Variants in PRKCA observed in about 807,000 individuals in gnomAD.
PRKCA encodes the protein protein kinase C alpha, also known as protein kinase C alpha type.
PRKCA carries 27 observed loss-of-function variants against 87.0 expected under a neutral mutation model. That is an observed-to-expected ratio of 0.31 (90% CI 0.23 to 0.43). The LOEUF (loss-of-function observed/expected upper bound fraction) is 0.43. Among genes scored for constraint, PRKCA ranks in the 20% least tolerant of loss-of-function variants. The pLI is 1.00. For missense variants in PRKCA, 518 were observed against 852.3 expected, an observed-to-expected ratio of 0.61 and a Z score of 4.88; for synonymous variants, 329 against 311.1, an observed-to-expected ratio of 1.06 and a Z score of -0.61.
At chr17:66,778,014 G>A (rs1056331325) in intron 14 of PRKCA, 11 of 985,230 alleles carry the variant, frequency 1.1e-5, no homozygotes, top group African/African-American at 1.7e-5. Context: ...ACTGGCCTCA[G>A]ACCTCATTTG....
intron 3 of PRKCA, among the ~76,000 whole-genome samples, chr17:66,539,109 T>C (rs901317226): frequency 2.0e-5 from 3 of 152,240 alleles, no homozygotes; most frequent in Admixed American, 6.5e-5. Context: ...CTAAAACATT[T>C]TTTATTGGAG....
intron 3 of PRKCA, among the ~76,000 whole-genome samples, chr17:66,593,631 G>A (rs1208935188): frequency 6.6e-6 from 1 of 152,222 alleles, no homozygotes. Flanking sequence ...CAGATTCTTT[G>A]TCATGGACAT....
At chr17:66,545,350 A>G (rs1296754139) in intron 3 of PRKCA, among the ~76,000 whole-genome samples, 1 of 152,224 alleles carries the variant, frequency 6.6e-6, no homozygotes, top group African/African-American at 2.4e-5. Context: ...AATGGCGTGA[A>G]CCCAAAAGGC....
intron 13 of PRKCA, among the ~76,000 whole-genome samples, chr17:66,757,334 T>C (rs1170658827): frequency 6.6e-6 from 1 of 152,042 alleles, no homozygotes; most frequent in Non-Finnish European, 1.5e-5. Flanking sequence ...CAAGGAATGT[T>C]TGAAGCAATT....
intron 3 of PRKCA, among the ~76,000 whole-genome samples, chr17:66,593,076 C>T (rs1598800830): frequency 1.3e-5 from 2 of 152,340 alleles, no homozygotes; most frequent in East Asian, 3.9e-4. Context: ...AGGCATGAGC[C>T]ACCGTGCCCG....
chr17:66,556,130 C>T (rs1300701005), intron 3 of PRKCA, among the ~76,000 whole-genome samples: 3 of 152,032 alleles, frequency 2.0e-5, no homozygotes, highest in Admixed American at 6.6e-5. Context: ...CTTTGAGCAT[C>T]GAGTTTCTGT....
intron 2 of PRKCA, among the ~76,000 whole-genome samples, chr17:66,339,091 A>C (rs1169629776): frequency 6.6e-6 from 1 of 152,202 alleles, no homozygotes; most frequent in African/African-American, 2.4e-5. Context: ...CTCTTGCGCT[A>C]TCAGAAGGAA....
At chr17:66,437,115 G>A (rs549957340) in intron 2 of PRKCA, among the ~76,000 whole-genome samples, 5 of 152,266 alleles carry the variant, frequency 3.3e-5, no homozygotes, top group African/African-American at 1.2e-4. Context: ...CTAATAGAGG[G>A]CAAGAAATTA....
At chr17:66,412,273 T>C (rs1329773559) in intron 2 of PRKCA, among the ~76,000 whole-genome samples, 2 of 152,136 alleles carry the variant, frequency 1.3e-5, no homozygotes, top group Non-Finnish European at 1.5e-5. Flanking sequence ...GCCAGGCTGG[T>C]TTCGAACTCC....
intron 3 of PRKCA, among the ~76,000 whole-genome samples, chr17:66,530,990 G>A (rs1967515141): frequency 6.6e-6 from 1 of 151,996 alleles, no homozygotes; most frequent in African/African-American, 2.4e-5. Context: ...AGATTTTTTG[G>A]GACACAAGGG....
intron 2 of PRKCA, among the ~76,000 whole-genome samples, chr17:66,419,430 G>C (rs1912362889): frequency 1.3e-5 from 2 of 152,152 alleles, no homozygotes; most frequent in South Asian, 4.2e-4. Context: ...AAGGTTATAT[G>C]TTCTTTAATT....
At chr17:66,485,280 C>T (rs1915946309) in intron 2 of PRKCA, among the ~76,000 whole-genome samples, 1 of 152,190 alleles carries the variant, frequency 6.6e-6, no homozygotes, top group Non-Finnish European at 1.5e-5. Flanking sequence ...AAATACACCA[C>T]ATTTAGCTCT....
chr17:66,358,662 G>A (rs575367761), intron 2 of PRKCA, among the ~76,000 whole-genome samples: 10 of 152,142 alleles, frequency 6.6e-5, no homozygotes, highest in South Asian at 2.1e-4. Context: ...CAAAACATGC[G>A]TCAGTACCTT....
intron 3 of PRKCA, among the ~76,000 whole-genome samples, chr17:66,516,213 G>A (rs1023860207): frequency 7.2e-5 from 11 of 152,218 alleles, no homozygotes; most frequent in African/African-American, 2.4e-4. Context: ...ACAATGTGCA[G>A]CACAGGCTGC....
chr17:66,424,598 C>CACACACACAT (rs1051866560), intron 2 of PRKCA, among the ~76,000 whole-genome samples: 5 of 150,514 alleles, frequency 3.3e-5, no homozygotes, highest in African/African-American at 9.9e-5. Context: ...CACACACACA[C>CACACACACAT]ATCTTTGAAG....
intron 3 of PRKCA, among the ~76,000 whole-genome samples, chr17:66,579,705 C>A (rs1037533306): frequency 2.6e-5 from 4 of 152,134 alleles, no homozygotes; most frequent in African/African-American, 9.7e-5. Flanking sequence ...GTGACTGGAA[C>A]TGAAACCAGG....
At chr17:66,584,460 A>G (rs1375556642) in intron 3 of PRKCA, among the ~76,000 whole-genome samples, 1 of 152,162 alleles carries the variant, frequency 6.6e-6, no homozygotes, top group African/African-American at 2.4e-5. Context: ...TCCAGACCTC[A>G]GGTGATCTGC....
At chr17:66,455,451 G>C (rs1483185642) in intron 2 of PRKCA, among the ~76,000 whole-genome samples, 1 of 152,178 alleles carries the variant, frequency 6.6e-6, no homozygotes, top group Non-Finnish European at 1.5e-5. Flanking sequence ...GAGCTGCCAG[G>C]AAAATGATGG....
chr17:66,721,058 A>C (rs1973602576), intron 8 of PRKCA, among the ~76,000 whole-genome samples: 1 of 152,184 alleles, frequency 6.6e-6, no homozygotes, highest in East Asian at 1.9e-4. Context: ...ATTTGGGGCA[A>C]GTCCACAGAG....
Sources: allele counts gnomAD v4.1 joint callset (sites outside exome capture counted in the v4.1 genomes callset), GRCh38; gene constraint gnomAD v4.1.1; transcripts MANE v1.5; gene names NCBI Gene and HGNC (gene_info 2026-07-23, HGNC 2026-07-21).